DLGAP4: variants seen among roughly 807,000 people sequenced by gnomAD.
The protein encoded by DLGAP4 is DLG associated protein 4.
DLGAP4 carries 18 observed loss-of-function variants against 86.9 expected under a neutral mutation model. That is an observed-to-expected ratio of 0.21 (90% CI 0.14 to 0.31). DLGAP4 has a LOEUF of 0.31. DLGAP4 is among the 10% of genes least tolerant of loss of function. The probability of loss-of-function intolerance (pLI) is 1.00; values close to 1 mark genes in which losing one functional copy is unlikely to be tolerated. For missense variants in DLGAP4, 1,085 were observed against 1,362.6 expected, an observed-to-expected ratio of 0.80 and a Z score of 3.21; for synonymous variants, 548 against 574.3, an observed-to-expected ratio of 0.95 and a Z score of 0.65.
intron 2 of DLGAP4, among the ~76,000 whole-genome samples, chr20:36,399,425 A>G (rs1360324334): frequency 6.6e-6 from 1 of 152,184 alleles, no homozygotes; most frequent in East Asian, 1.9e-4. Context: ...GTAAGAAAAA[A>G]TAAGATCATG....
intron 6 of DLGAP4, 81 bp from the exon 7 acceptor site, chr20:36,446,615 GC>G: frequency 7.2e-7 from 1 of 1,381,564 alleles, no homozygotes; most frequent in South Asian, 1.3e-5. Flanking sequence ...GTCCAGCCCT[GC>G]CCTGAGCCCA....
At position 36,476,315 on chromosome 20, in the gene DLGAP4, C is replaced by A. The variant is rs183389869; in HGVS notation, c.1649-20390C>A. Among the ~76,000 whole-genome samples, 283 of 147,752 alleles carry A rather than the reference C, an allele frequency of 1.9e-3. 1 individual carries two copies. The highest frequency in any genetic ancestry group is 3.0e-3 in the Non-Finnish European group (200 of 66,632). On this transcript the variant is annotated intron_variant, in intron 7 of 12. Coordinates refer to ENST00000339266, the MANE Select transcript of DLGAP4 (RefSeq NM_001365621.2). ...ACCCCCTTGCCTGGTCCCTGGCAAC[C>A]ACCTTTTTTTTTTTTTTTTTTTTTT...
At chr20:36,362,580 A>T (rs2030556373) in intron 1 of DLGAP4, among the ~76,000 whole-genome samples, 1 of 152,230 alleles carries the variant, frequency 6.6e-6, no homozygotes, top group Admixed American at 6.5e-5. Flanking sequence ...AGCTCATGAC[A>T]GTTGGTCAAG....
intron 2 of DLGAP4, among the ~76,000 whole-genome samples, chr20:36,371,803 T>A (rs1257556798): frequency 6.6e-6 from 1 of 152,214 alleles, no homozygotes; most frequent in Non-Finnish European, 1.5e-5. Flanking sequence ...TAGCATTATA[T>A]CATTTCTGTA....
chr20:36,373,667 C>T (rs2031029829), intron 2 of DLGAP4, among the ~76,000 whole-genome samples: 2 of 152,154 alleles, frequency 1.3e-5, no homozygotes, highest in Admixed American at 6.5e-5. Flanking sequence ...CAGCAACCCC[C>T]ACCTCCTGTA....
Position 36,431,260 on chromosome 20 carries a change from A to G in DLGAP4, c.-72-386A>G, listed in dbSNP as rs964241579. ...GATGTGGGCTGGGGTATTTGCATCT[A>G]TGTGGACCCTCGGGGTGAGGGACAG... On this transcript the variant is annotated intron_variant, in intron 2 of 12. Coordinates refer to ENST00000339266, the MANE Select transcript of DLGAP4 (RefSeq NM_001365621.2). This position sits in a 1 kb window ranked among gnomAD's most constrained non-coding sequence, Gnocchi z 5.1. Among the ~76,000 whole-genome samples, 3 of 151,976 alleles carry G rather than the reference A, an allele frequency of 2.0e-5. No individual in the cohort carries two copies. The highest frequency in any genetic ancestry group is 4.8e-5 in the African/African-American group (2 of 41,382).
intron 7 of DLGAP4, among the ~76,000 whole-genome samples, chr20:36,476,799 C>T (rs991629447): frequency 7.3e-5 from 11 of 150,518 alleles, no homozygotes; most frequent in Non-Finnish European, 1.0e-4. Flanking sequence ...CCTCCGCCTC[C>T]CAGGTTCAAG....
chr20:36,362,776 T>C (rs868991742), intron 1 of DLGAP4, among the ~76,000 whole-genome samples: 40 of 152,090 alleles, frequency 2.6e-4, no homozygotes, highest in African/African-American at 8.7e-4. Flanking sequence ...TATAATGATA[T>C]GGGCTGAGAA....
At chr20:36,467,082 C>T (rs2034448388) in intron 7 of DLGAP4, among the ~76,000 whole-genome samples, 2 of 147,092 alleles carry the variant, frequency 1.4e-5, no homozygotes, top group Non-Finnish European at 3.0e-5. Context: ...CTTCTCTCGG[C>T]CCTGCCTTCC....
Position 36,432,357 on chromosome 20 carries a change from G to A in DLGAP4, c.640G>A (p.Glu214Lys), listed in dbSNP as rs760975376. 38 of 1,613,534 alleles carry A rather than the reference G, an allele frequency of 2.4e-5. No individual in the cohort carries two copies. The highest frequency in any genetic ancestry group is 3.0e-5 in the Non-Finnish European group (35 of 1,179,978). Residue 214 changes from glutamate to lysine, a missense_variant, in exon 3 of 13, where the codon GAG becomes AAG. Physicochemically the swap from Glu to Lys is moderately conservative, Grantham distance 56. This residue lies in a region of DLGAP4 where 1,082 missense variants were observed against 1,344.1 expected (regional missense o/e 0.81). Transcript: ENST00000339266. This position sits in a 1 kb window ranked among gnomAD's most constrained non-coding sequence, Gnocchi z 6.5. ...GAGCTCCGATGACAACTTGGACGGC[G>A]AGGCCGGCGCCTTCCGCAGCAGTGG... ...WWSSDDNLDG[E>K]AGAFRSSGPA...
chr20:36,449,430 CAG>C (rs1342889008), intron 7 of DLGAP4, among the ~76,000 whole-genome samples: 1 of 152,226 alleles, frequency 6.6e-6, no homozygotes, highest in Admixed American at 6.5e-5. Flanking sequence ...TCCGAAAATA[CAG>C]ACTGGCCCGC....
chr20:36,331,362 C>G (rs952582748), intron 1 of DLGAP4, among the ~76,000 whole-genome samples: 4 of 152,234 alleles, frequency 2.6e-5, no homozygotes, highest in Non-Finnish European at 5.9e-5. Flanking sequence ...GCTGCCCCTC[C>G]TCCAGCTCAC....
intron 2 of DLGAP4, among the ~76,000 whole-genome samples, chr20:36,380,275 T>C (rs1600457913): frequency 1.4e-5 from 2 of 148,048 alleles, no homozygotes; most frequent in East Asian, 2.0e-4. Flanking sequence ...CCAGGTGTGG[T>C]GGTGTGTGCC....
chr20:36,335,532 C>A (rs782047269), intron 1 of DLGAP4, among the ~76,000 whole-genome samples: 1 of 152,070 alleles, frequency 6.6e-6, no homozygotes, highest in East Asian at 1.9e-4. Context: ...TTGTGACTGT[C>A]GAGACTGTGG....
At chr20:36,342,728 G>A (rs931456036) in intron 1 of DLGAP4, among the ~76,000 whole-genome samples, 4 of 152,204 alleles carry the variant, frequency 2.6e-5, no homozygotes, top group African/African-American at 9.6e-5. Context: ...GGAAACTGAG[G>A]CCCATGGAGG....
At chr20:36,436,600 T>G (rs2033288653) in intron 4 of DLGAP4, among the ~76,000 whole-genome samples, 1 of 152,076 alleles carries the variant, frequency 6.6e-6, no homozygotes, top group Non-Finnish European at 1.5e-5. Flanking sequence ...GTGGATCACT[T>G]GAGGTCAGGA....
At chr20:36,467,121 G>A (rs992665925) in intron 7 of DLGAP4, among the ~76,000 whole-genome samples, 8 of 149,960 alleles carry the variant, frequency 5.3e-5, no homozygotes, top group Non-Finnish European at 1.2e-4. Context: ...TGAGAGGATG[G>A]GGATTAATAG....
chr20:36,430,615 C>A (rs2033102004), intron 2 of DLGAP4, among the ~76,000 whole-genome samples: 2 of 134,768 alleles, frequency 1.5e-5, no homozygotes, highest in South Asian at 2.4e-4. Flanking sequence ...CCCAGGAGGC[C>A]AAGGCTGCAG....
intron 7 of DLGAP4, among the ~76,000 whole-genome samples, chr20:36,464,912 C>T (rs1417147382): frequency 1.3e-5 from 2 of 151,834 alleles, no homozygotes; most frequent in Non-Finnish European, 2.9e-5. Flanking sequence ...GAACCACAAA[C>T]GCCTGGTTTT....
Sources: gnomAD v4.1 joint callset for allele counts (sites outside exome capture counted in the v4.1 genomes callset) on GRCh38, gnomAD v4.1.1 for gene constraint, gnomAD v4.1.1 regional missense constraint, Gnocchi (gnomAD v3.1) non-coding constraint, MANE v1.5 for transcripts, NCBI Gene and HGNC (gene_info 2026-07-23, HGNC 2026-07-21) for gene names.